MYH13: variants seen among roughly 807,000 people sequenced by gnomAD.
MYH13 encodes the protein myosin heavy chain 13, also known as myosin-13.
Under a neutral mutation model 232.1 loss-of-function variants are expected in MYH13, and 177 were observed. That is an observed-to-expected ratio of 0.76 (90% CI 0.67 to 0.86). MYH13 has a LOEUF of 0.86. MYH13 is among the 40% of genes least tolerant of loss of function. The pLI is 0.00. For synonymous variants in MYH13, 884 were observed against 923.5 expected, an observed-to-expected ratio of 0.96 and a Z score of 0.78; for missense variants, 2,246 against 2,405.9, an observed-to-expected ratio of 0.93 and a Z score of 1.39.
In MYH13 at chr17:10,353,477, G is replaced by A. The variant is rs112818753; in HGVS notation, c.1005+1203C>T. Reference sequence around the variant, plus strand: ...CGCAAGCTCTTGAAGCTTTTGTATGGGTGGAGCCAACAAGGGTGGAGATGA... The same window carrying A: ...CGCAAGCTCTTGAAGCTTTTGTATGAGTGGAGCCAACAAGGGTGGAGATGA... On this transcript the variant is annotated intron_variant, in intron 11 of 40. Transcript: ENST00000252172. 4.4e-3 allele frequency among the ~76,000 whole-genome samples: 668 copies of A among 152,232 alleles called. 11 individuals carry two copies. Among genetic ancestry groups the A allele is most frequent in the African/African-American group, 0.016 (647 of 41,530 alleles).
chr17:10,309,970 C>T (rs1906448577), intron 33 of MYH13, 140 bp from the exon 34 acceptor site: 10 of 671,620 alleles, frequency 1.5e-5, no homozygotes, highest in Non-Finnish European at 2.2e-5. Context: ...TTGGTAGAGA[C>T]AGGGTCTGTG....
At position 10,333,148 on chromosome 17, in the gene MYH13, G is replaced by A. The variant is rs2240579; in HGVS notation, c.2100C>T (p.Asn700=). Residue 700 remains asparagine (N), a synonymous_variant, in exon 19 of 41, where the codon AAC becomes AAT. Transcript: ENST00000252172. ...HYLVMHQLRC[N]GVLEGIRICR... ...AAATCCGGATGCCCTCGAGGACCCC[G>A]TTACAGCGCAGCTGGTGCATGACCA... 0.6 allele frequency: 936,949 copies of A among 1,550,794 alleles called. 291,432 individuals are homozygous for A. The highest frequency in any genetic ancestry group is 0.65 in the Non-Finnish European group (743,682 of 1,146,224).
At chr17:10,326,438 AC>A (rs1484846532) in intron 22 of MYH13, among the ~76,000 whole-genome samples, 1 of 152,186 alleles carries the variant, frequency 6.6e-6, no homozygotes, top group African/African-American at 2.4e-5. Context: ...AGACAATTAT[AC>A]TGCCCCATTT....
At chr17:10,349,380 G>A (rs562442798) in intron 12 of MYH13, among the ~76,000 whole-genome samples, 103 of 151,958 alleles carry the variant, frequency 6.8e-4, no homozygotes, top group African/African-American at 2.3e-3. Context: ...GATTACAGGC[G>A]TGAGCTGCTG....
chr17:10,317,586 C>T (rs1416783603), intron 27 of MYH13: 1 of 152,286 alleles, frequency 6.6e-6, no homozygotes, highest in Non-Finnish European at 1.5e-5. Flanking sequence ...AGCCAAACAG[C>T]TCCTAGTACA....
intron 37 of MYH13, among the ~76,000 whole-genome samples, chr17:10,305,828 G>A (rs1906260791): frequency 6.6e-6 from 1 of 152,130 alleles, no homozygotes. Flanking sequence ...GAAAGAGCAG[G>A]GATGTCCAGG....
intron 22 of MYH13, chr17:10,324,754 A>ATTTTTTT (rs1907137100): frequency 2.0e-5 from 1 of 48,998 alleles, no homozygotes; most frequent in African/African-American, 8.1e-5. Flanking sequence ...GTCCATATAC[A>ATTTTTTT]TGTTTTTTTT....
chr17:10,331,052 G>A (rs1340031246), intron 20 of MYH13, among the ~76,000 whole-genome samples: 2 of 151,764 alleles, frequency 1.3e-5, no homozygotes, highest in Admixed American at 6.6e-5. Context: ...CAACAACAAC[G>A]ACAAAAACAA....
chr17:10,306,492 G>T lies in MYH13; in HGVS notation c.5433C>A (p.Gly1811=), dbSNP rs140857232. 1.2e-6 allele frequency: 2 copies of T among 1,613,862 alleles called. No individual in the cohort carries two copies. Among genetic ancestry groups the T allele is most frequent in the African/African-American group, 2.7e-5 (2 of 74,856 alleles). The change falls in exon 37 of 41, where the codon GGC becomes GGA. Residue 1811 remains glycine (G), a synonymous_variant. Coordinates refer to ENST00000252172, the MANE Select transcript of MYH13 (RefSeq NM_003802.3). The surrounding 1 kb of genome is among the most constrained non-coding windows in gnomAD (Gnocchi z 4.3). ...CCAGTTTCTGGATCTGCTTCTTCCC[G>T]CCCTTCAGCGCCAGTTGTTCAGCCT... is the stretch of plus-strand genomic sequence containing the variant. The part of the protein sequence containing the change: ...LDEAEQLALK[G]GKKQIQKLEN...
intron 20 of MYH13, among the ~76,000 whole-genome samples, chr17:10,331,804 A>G (rs1233449657): frequency 6.6e-6 from 1 of 151,988 alleles, no homozygotes; most frequent in Non-Finnish European, 1.5e-5. Flanking sequence ...AGTCCTCTCT[A>G]TGTTCTCCTC....
rs951077452 is a variant in MYH13, at chr17:10,330,628, G to A, written c.2299-105C>T. The A allele has an allele frequency of 4.2e-6, 6 of 1,428,722 alleles. No homozygotes were observed. The African/African-American group carries it at 8.6e-5, about 21-fold the overall frequency. 88.5% of individuals were successfully genotyped at this position (1,428,722 alleles called of 1,614,324 possible). On this transcript the variant is annotated intron_variant, in intron 20 of 40. Transcript: ENST00000252172. The stretch of plus-strand genomic sequence containing the variant: ...TCAACTCTGAGGCTCAACTCTCAGA[G>A]CACGGCAGGGGCAGCAATTCTGTTT...
intron 12 of MYH13, among the ~76,000 whole-genome samples, chr17:10,347,007 G>C (rs1261874080): frequency 6.6e-6 from 1 of 152,152 alleles, no homozygotes; most frequent in Non-Finnish European, 1.5e-5. Flanking sequence ...TTGCCTCCTA[G>C]ATGCAGTTTT....
intron 27 of MYH13, among the ~76,000 whole-genome samples, chr17:10,316,861 C>G (rs1289691964): frequency 6.6e-6 from 1 of 152,114 alleles, no homozygotes; most frequent in Admixed American, 6.5e-5. Context: ...ATGTATAGAG[C>G]ATATGTTTTT....
intron 12 of MYH13, among the ~76,000 whole-genome samples, chr17:10,349,291 G>A (rs9904037): frequency 0.018 from 2,686 of 152,044 alleles, 55 homozygotes; most frequent in African/African-American, 0.043. Flanking sequence ...AGTAGAGAAG[G>A]GGTTTTACCA....
rs756851282 is a variant in MYH13, at chr17:10,343,824, A to G, written c.1870T>C (p.Ser624Pro). The G allele has an allele frequency of 1.2e-6, 2 of 1,605,062 alleles. No homozygotes were observed. The highest frequency in any genetic ancestry group is 2.2e-5 in the East Asian group (1 of 44,734). Residue 624 changes from serine to proline, a missense_variant, in exon 16 of 41, where the codon TCC becomes CCC. Physicochemically the swap from Ser to Pro is moderately conservative, Grantham distance 74. Coordinates refer to ENST00000252172, the MANE Select transcript of MYH13 (RefSeq NM_003802.3). ...SSLKLLSFLFSNYAGAETGDS... is the reference protein window; with the variant it reads ...SSLKLLSFLFPNYAGAETGDS... ...CCTGTCTCTGCACCAGCATAGTTGGAAAAAAGGAAGGAGAGAAGCTTCAGC... is the reference window on the plus strand; with the variant it reads ...CCTGTCTCTGCACCAGCATAGTTGGGAAAAAGGAAGGAGAGAAGCTTCAGC...
intron 35 of MYH13, among the ~76,000 whole-genome samples, chr17:10,308,248 T>C (rs9895678): frequency 0.82 from 123,249 of 151,006 alleles, 50,602 homozygotes; most frequent in African/African-American, 0.91. Flanking sequence ...CGCTTGAACC[T>C]AGGAGGCAGA....
rs74527869 is a variant in MYH13 at position 10,362,956 on chromosome 17, C to G, written c.205-453G>C. On this transcript the variant is annotated intron_variant, in intron 3 of 40. Transcript: ENST00000252172. ...AAATTTTGTTTAGAAACCTTCAAAG[C>G]TCAGCTCTAGCACCAACTCTTCCAC... Among the ~76,000 whole-genome samples, 410 of 143,492 alleles carry G rather than the reference C, an allele frequency of 2.9e-3. 18 individuals are homozygous for G. The East Asian group carries it at 0.065, about 23-fold the overall frequency. The allele number at this position is 143,492 out of a possible 152,430, so 94.1% of individuals were successfully genotyped here.
chr17:10,350,622 G>T lies in MYH13; in HGVS notation c.1078C>A (p.His360Asn), dbSNP rs764702353. 8 of 1,613,566 alleles carry T rather than the reference G, an allele frequency of 5.0e-6. No homozygotes were observed. Among genetic ancestry groups the T allele is most frequent in the Non-Finnish European group, 6.8e-6 (8 of 1,179,966 alleles). Residue 360 changes from histidine to asparagine, a missense_variant, in exon 12 of 41, where the codon CAT becomes AAT. By Grantham distance (68) the His-to-Asn change is moderately conservative. Transcript: ENST00000252172. ...GIYKLTGAVM[H>N]YGNMKFKQKQ... is the part of the protein sequence containing the mutation. The stretch of plus-strand genomic sequence containing the variant: ...TGCTTGAACTTCATGTTCCCATAAT[G>T]CATCACGGCTCCCGTCAGTTTGTAG...
chr17:10,317,947 A>C (rs1906775729), intron 27 of MYH13: 1 of 152,162 alleles, frequency 6.6e-6, no homozygotes, highest in Admixed American at 6.5e-5. Context: ...TTTTTTCTTA[A>C]AGAGCCCCAA....
Sources: allele counts gnomAD v4.1 joint callset (sites outside exome capture counted in the v4.1 genomes callset), GRCh38; gene constraint gnomAD v4.1.1; non-coding constraint Gnocchi (gnomAD v3.1); transcripts MANE v1.5; gene names NCBI Gene and HGNC (gene_info 2026-07-23, HGNC 2026-07-21).